The following NUDT3 variants were observed in gnomAD, a reference collection of about 807,000 sequenced individuals.
NUDT3 encodes the protein diphosphoinositol polyphosphate phosphohydrolase 1.
In NUDT3, 9 loss-of-function variants were observed where a neutral mutation model predicts 23.6. The observed-to-expected ratio is 0.38, with a 90% CI of 0.23 to 0.66. The LOEUF is 0.66. Ranked by LOEUF, NUDT3 falls within the 30% of genes least tolerant of loss-of-function variation. The probability of loss-of-function intolerance (pLI) is 0.52; values close to 1 mark genes in which losing one functional copy is unlikely to be tolerated. For synonymous variants in NUDT3, 86 were observed against 82.6 expected (o/e 1.04, Z -0.22); for missense variants, 172 against 218.5 (o/e 0.79, Z 1.34).
At chr6:34,374,753 T>C (rs945607652) in intron 1 of NUDT3, among the ~76,000 whole-genome samples, 1 of 152,210 alleles carries the variant, frequency 6.6e-6, no homozygotes, top group African/African-American at 2.4e-5. Context: ...CTGTGGTTCC[T>C]GCCTTCGTTA....
At chr6:34,313,987 C>T (rs1763819791) in intron 2 of NUDT3, among the ~76,000 whole-genome samples, 1 of 151,396 alleles carries the variant, frequency 6.6e-6, no homozygotes, top group East Asian at 2.0e-4. Flanking sequence ...ATCCCAGCTA[C>T]TCGGGAGGCT....
intron 1 of NUDT3, among the ~76,000 whole-genome samples, chr6:34,351,741 CAAAAAA>C (rs1017090378): frequency 1.8e-5 from 1 of 54,340 alleles, no homozygotes; most frequent in Non-Finnish European, 3.7e-5. Flanking sequence ...AACTCTGTCT[CAAAAAA>C]AAAAAAAAAA....
At chr6:34,357,325 G>GTT (rs796073863) in intron 1 of NUDT3, among the ~76,000 whole-genome samples, 3 of 150,800 alleles carry the variant, frequency 2.0e-5, no homozygotes, top group East Asian at 3.9e-4. Flanking sequence ...ATAATAAAAG[G>GTT]TTTTTTTTTA....
At chr6:34,300,069 A>C (rs1262969653) in intron 2 of NUDT3, among the ~76,000 whole-genome samples, 1 of 151,960 alleles carries the variant, frequency 6.6e-6, no homozygotes, top group Non-Finnish European at 1.5e-5. Flanking sequence ...AGAGAAAAAA[A>C]CACAAGTGTC....
At chr6:34,388,304 T>C (rs188346943) in intron 1 of NUDT3, among the ~76,000 whole-genome samples, 47 of 152,338 alleles carry the variant, frequency 3.1e-4, no homozygotes, top group East Asian at 5.8e-4. Flanking sequence ...CATCTCTTTT[T>C]CTTCACATTC....
chr6:34,331,134 G>A (rs946432789), intron 2 of NUDT3, among the ~76,000 whole-genome samples: 2 of 152,114 alleles, frequency 1.3e-5, no homozygotes, highest in Non-Finnish European at 1.5e-5. Flanking sequence ...GGATAATAAG[G>A]GTGAGCCACC....
At chr6:34,294,455 G>A (rs769895703) in intron 3 of NUDT3, among the ~76,000 whole-genome samples, 1 of 151,854 alleles carries the variant, frequency 6.6e-6, no homozygotes, top group Non-Finnish European at 1.5e-5. Context: ...TGCCAGGGGC[G>A]GTGGCTCATG....
chr6:34,296,839 T>TG (rs1442329732), intron 2 of NUDT3, among the ~76,000 whole-genome samples: 1 of 151,786 alleles, frequency 6.6e-6, no homozygotes, highest in Non-Finnish European at 1.5e-5. Context: ...AACATAAACA[T>TG]GGTAATTCTG....
chr6:34,293,179 C>T (rs1322177021), intron 4 of NUDT3, among the ~76,000 whole-genome samples: 2 of 152,196 alleles, frequency 1.3e-5, no homozygotes, highest in Admixed American at 6.5e-5. Context: ...CTTCCTGCTT[C>T]AGCCTCCTGA....
chr6:34,312,467 G>A (rs1472546063), intron 2 of NUDT3, among the ~76,000 whole-genome samples: 3 of 151,796 alleles, frequency 2.0e-5, no homozygotes, highest in African/African-American at 7.3e-5. Context: ...GTGAGGATGT[G>A]GAACAACAGG....
intron 1 of NUDT3, among the ~76,000 whole-genome samples, chr6:34,391,898 G>T (rs535651769): frequency 5.8e-4 from 89 of 152,242 alleles, no homozygotes; most frequent in African/African-American, 1.9e-3. Flanking sequence ...GCTGACAACT[G>T]CGGAGCGGCC....
At chr6:34,390,062 C>T (rs576478775) in intron 1 of NUDT3, among the ~76,000 whole-genome samples, 3 of 152,078 alleles carry the variant, frequency 2.0e-5, no homozygotes, top group Admixed American at 6.5e-5. Flanking sequence ...AGCTTGAACC[C>T]GGGAGGTGGA....
chr6:34,342,645 T>C (rs374239785), intron 1 of NUDT3, among the ~76,000 whole-genome samples: 12 of 152,352 alleles, frequency 7.9e-5, no homozygotes, highest in East Asian at 7.7e-4. Context: ...ATTTGCCTAG[T>C]TCCTTTTCCT....
At chr6:34,381,009 T>A (rs1713955415) in intron 1 of NUDT3, among the ~76,000 whole-genome samples, 1 of 151,986 alleles carries the variant, frequency 6.6e-6, no homozygotes, top group South Asian at 2.1e-4. Flanking sequence ...TATTTTACAC[T>A]CCAAACTGCA....
At chr6:34,362,375 T>C (rs1764664247) in intron 1 of NUDT3, among the ~76,000 whole-genome samples, 1 of 152,072 alleles carries the variant, frequency 6.6e-6, no homozygotes, top group Non-Finnish European at 1.5e-5. Flanking sequence ...GGGGTCTTGC[T>C]ACATTGCCCA....
At chr6:34,346,084 A>G (rs1764364711) in intron 1 of NUDT3, among the ~76,000 whole-genome samples, 1 of 152,132 alleles carries the variant, frequency 6.6e-6, no homozygotes, top group Admixed American at 6.6e-5. Context: ...TTATATTACT[A>G]AATCATAAAA....
At chr6:34,301,634 T>A (rs958571228) in intron 2 of NUDT3, among the ~76,000 whole-genome samples, 9 of 152,268 alleles carry the variant, frequency 5.9e-5, no homozygotes, top group African/African-American at 2.2e-4. Context: ...TCAGCAGAGT[T>A]GCCTACTCAA....
At chr6:34,307,234 C>T (rs1250888016) in intron 2 of NUDT3, among the ~76,000 whole-genome samples, 2 of 151,928 alleles carry the variant, frequency 1.3e-5, no homozygotes, top group Non-Finnish European at 2.9e-5. Flanking sequence ...ATATCAAGAC[C>T]CTGTCTCTAA....
At chr6:34,296,667 T>C (rs534239734) in intron 2 of NUDT3, among the ~76,000 whole-genome samples, 23 of 152,318 alleles carry the variant, frequency 1.5e-4, no homozygotes, top group African/African-American at 4.6e-4. Context: ...ATGCCTAATT[T>C]GAACCAGAAA....
Sources: gnomAD v4.1 joint callset for allele counts (sites outside exome capture counted in the v4.1 genomes callset) on GRCh38, gnomAD v4.1.1 for gene constraint, MANE v1.5 for transcripts, NCBI Gene and HGNC (gene_info 2026-07-23, HGNC 2026-07-21) for gene names.